The following HHIP variants were observed in gnomAD, a reference collection of about 807,000 sequenced individuals.
The protein encoded by HHIP is hedgehog interacting protein.
In HHIP, 12 loss-of-function variants were observed where a neutral mutation model predicts 74.0. The observed-to-expected ratio is 0.16, with a 90% CI of 0.10 to 0.26. HHIP has a LOEUF of 0.26. HHIP is among the 10% of genes least tolerant of loss of function. The pLI, the probability that HHIP is intolerant of heterozygous loss-of-function variation, is 1.00. For synonymous variants in HHIP, 309 were observed against 311.6 expected (o/e 0.99, Z 0.09); for missense variants, 788 against 845.0 (o/e 0.93, Z 0.84).
chr4:144,733,067 C>G (rs1731006206), intron 11 of HHIP, among the ~76,000 whole-genome samples: 1 of 152,142 alleles, frequency 6.6e-6, no homozygotes. Flanking sequence ...TTGGGATACT[C>G]AAGAACAAGA....
intron 11 of HHIP, among the ~76,000 whole-genome samples, chr4:144,724,131 T>C (rs112431659): frequency 1.9e-4 from 29 of 152,332 alleles, no homozygotes; most frequent in African/African-American, 5.3e-4. Context: ...TAATAGATGG[T>C]AGCAGCCTGA....
At chr4:144,656,041 C>G (rs535395195) in intron 2 of HHIP, among the ~76,000 whole-genome samples, 51 of 152,054 alleles carry the variant, frequency 3.4e-4, no homozygotes, top group Non-Finnish European at 4.0e-4. Context: ...TTATGATGAT[C>G]CCGAGTGAGC....
At chr4:144,736,009 C>A (rs1731106352) in intron 12 of HHIP, among the ~76,000 whole-genome samples, 1 of 152,068 alleles carries the variant, frequency 6.6e-6, no homozygotes, top group Non-Finnish European at 1.5e-5. Context: ...TACCCATCTT[C>A]TCTGTCTTTT....
intron 4 of HHIP, among the ~76,000 whole-genome samples, chr4:144,684,232 A>ATTTTTTTT (rs1174297815): frequency 6.3e-5 from 4 of 63,008 alleles, no homozygotes; most frequent in African/African-American, 1.2e-4. Context: ...AAAAAAAAGA[A>ATTTTTTTT]TTTTTTTTTT....
At chr4:144,669,968 C>T (rs527928458) in intron 4 of HHIP, among the ~76,000 whole-genome samples, 3 of 129,398 alleles carry the variant, frequency 2.3e-5, no homozygotes, top group Non-Finnish European at 3.4e-5. Flanking sequence ...GGAAAAACCC[C>T]GTCTCTACTT....
At chr4:144,734,710 A>T in intron 11 of HHIP, 31 bp from the exon 12 acceptor site, 1 of 1,495,430 alleles carries the variant, frequency 6.7e-7, no homozygotes. Flanking sequence ...TTCAAATGGA[A>T]TACACTTTCA....
intron 2 of HHIP, among the ~76,000 whole-genome samples, chr4:144,656,437 C>T (rs2084470760): frequency 6.6e-6 from 1 of 152,158 alleles, no homozygotes; most frequent in Non-Finnish European, 1.5e-5. Flanking sequence ...AATGACTTCT[C>T]ATTTCCTCGT....
intron 4 of HHIP, among the ~76,000 whole-genome samples, chr4:144,664,855 C>G (rs911166503): frequency 1.3e-5 from 2 of 152,110 alleles, no homozygotes; most frequent in African/African-American, 4.8e-5. Context: ...CAGATTACTG[C>G]TCAGAAGTCA....
chr4:144,663,008 G>A (rs985198586), intron 4 of HHIP, among the ~76,000 whole-genome samples: 1 of 152,106 alleles, frequency 6.6e-6, no homozygotes, highest in African/African-American at 2.4e-5. Context: ...TAGCCAAGTT[G>A]GGTGTGGTGT....
At chr4:144,713,060 G>T (rs1730347094) in intron 8 of HHIP, among the ~76,000 whole-genome samples, 1 of 151,794 alleles carries the variant, frequency 6.6e-6, no homozygotes, top group South Asian at 2.1e-4. Flanking sequence ...GCTAAAATTG[G>T]TTACAATATT....
chr4:144,665,068 T>G (rs937807217), intron 4 of HHIP, among the ~76,000 whole-genome samples: 70 of 152,326 alleles, frequency 4.6e-4, no homozygotes, highest in African/African-American at 1.6e-3. Context: ...TTTTATTTTT[T>G]TGTGTGTGTT....
At chr4:144,680,407 T>C (rs961368143) in intron 4 of HHIP, among the ~76,000 whole-genome samples, 5 of 152,212 alleles carry the variant, frequency 3.3e-5, no homozygotes, top group African/African-American at 9.6e-5. Flanking sequence ...ACATTTTTCT[T>C]TAAGACAAGC....
intron 11 of HHIP, among the ~76,000 whole-genome samples, chr4:144,726,009 G>C (rs1362783690): frequency 1.3e-5 from 2 of 151,658 alleles, no homozygotes; most frequent in African/African-American, 4.8e-5. Flanking sequence ...TCATTCCCCT[G>C]GGCTATTTTT....
chr4:144,735,396 A>AT (rs933193390), intron 12 of HHIP, among the ~76,000 whole-genome samples: 3 of 151,966 alleles, frequency 2.0e-5, no homozygotes, highest in East Asian at 1.9e-4. Context: ...ATATTATGAG[A>AT]TTTTTTTTCA....
At chr4:144,732,958 T>C (rs1402347260) in intron 11 of HHIP, among the ~76,000 whole-genome samples, 2 of 152,172 alleles carry the variant, frequency 1.3e-5, no homozygotes, top group Non-Finnish European at 2.9e-5. Flanking sequence ...TCAGAAGAAT[T>C]TCATGGCTAC....
chr4:144,652,006 G>A (rs1205073130), intron 1 of HHIP, among the ~76,000 whole-genome samples: 3 of 151,974 alleles, frequency 2.0e-5, no homozygotes, highest in African/African-American at 7.2e-5. Flanking sequence ...TTTTAAACCT[G>A]TTTGATTTCA....
At position 144,742,611 on chromosome 4, in the gene HHIP, AAGTT is replaced by A. The variant is rs1731284945; in HGVS notation, c.*4655_*4658del. 1.3e-5 allele frequency: 2 copies of A among 151,818 alleles called. No individual in the cohort carries two copies. The highest frequency in any genetic ancestry group is 4.8e-5 in the African/African-American group (2 of 41,376). 9.4% of individuals were successfully genotyped at this position (151,818 alleles called of 1,614,324 possible). A position where few individuals can be genotyped will look rare whatever the true frequency, so the allele number is the denominator to read the frequency against. On this transcript the variant is annotated 3_prime_UTR_variant, in exon 13 of 13. Transcript: ENST00000296575. ...TTCCTCACCCCTGGGATGAGATTTG[AAGTT>A]GCAGAGGACTCAGACCAAAGTCCCA... is the stretch of plus-strand genomic sequence containing the variant.
intron 8 of HHIP, among the ~76,000 whole-genome samples, chr4:144,713,486 T>G (rs1428259159): frequency 6.6e-6 from 1 of 152,182 alleles, no homozygotes; most frequent in African/African-American, 2.4e-5. Context: ...TTATTTGATC[T>G]TAAATACATA....
chr4:144,646,821 A>T lies in HHIP; in HGVS notation c.146A>T (p.Lys49Ile), dbSNP rs200140524. The change falls in exon 1 of 13, where the codon AAA (lysine) becomes ATA (isoleucine). Residue 49 changes from lysine to isoleucine, a missense_variant. By Grantham distance (102) the Lys-to-Ile change is moderately radical. Around this residue, in one of 3 missense-constraint regions of HHIP, gnomAD observed 373 missense variants for 366.4 expected, o/e 1.02. Transcript: ENST00000296575. ...AATGGGAACCCCCCGAAGCGCCTGA[A>T]AAGGAGAGACAGGAGGATGATGTCC... ...CLNGNPPKRL[K>I]RRDRRMMSQL... 4.3e-6 allele frequency: 7 copies of T among 1,614,220 alleles called. No individual in the cohort carries two copies. The highest frequency in any genetic ancestry group is 5.9e-6 in the Non-Finnish European group (7 of 1,180,036).
Sources: gnomAD v4.1 joint callset for allele counts (sites outside exome capture counted in the v4.1 genomes callset) on GRCh38, gnomAD v4.1.1 for gene constraint, gnomAD v4.1.1 regional missense constraint, MANE v1.5 for transcripts, NCBI Gene and HGNC (gene_info 2026-07-23, HGNC 2026-07-21) for gene names.